The following TPST2 variants were observed in gnomAD, a reference collection of about 807,000 sequenced individuals.
The protein encoded by TPST2 is protein-tyrosine sulfotransferase 2.
In TPST2, 16 loss-of-function variants were observed where a neutral mutation model predicts 27.8. That is an observed-to-expected ratio of 0.58 (90% confidence interval 0.39 to 0.88). TPST2 has a LOEUF of 0.88. Ranked by LOEUF, TPST2 falls within the 40% of genes least tolerant of loss-of-function variation. The pLI is 0.00. For synonymous variants in TPST2, 229 were observed against 231.7 expected, an observed-to-expected ratio of 0.99 and a Z score of 0.10; for missense variants, 464 against 543.1, an observed-to-expected ratio of 0.85 and a Z score of 1.45.
At chr22:26,579,748 C>T (rs1229849398) in intron 1 of TPST2, among the ~76,000 whole-genome samples, 1 of 151,930 alleles carries the variant, frequency 6.6e-6, no homozygotes, top group East Asian at 1.9e-4. Flanking sequence ...GGAAGTGGTG[C>T]AGATTGGGGC....
intron 1 of TPST2, among the ~76,000 whole-genome samples, chr22:26,577,933 C>T (rs1267888155): frequency 1.3e-5 from 2 of 151,990 alleles, no homozygotes; most frequent in African/African-American, 4.8e-5. Flanking sequence ...GGATTACAGG[C>T]ATTAGCCACC....
intron 3 of TPST2, 73 bp downstream of exon 3, chr22:26,540,716 T>C (rs1925743949): frequency 1.0e-5 from 14 of 1,401,046 alleles, no homozygotes; most frequent in Admixed American, 4.9e-5. Context: ...AGAAAGGCAG[T>C]GCTGATTTTC....
At chr22:26,553,680 C>T (rs1926621452) in intron 1 of TPST2, among the ~76,000 whole-genome samples, 2 of 138,070 alleles carry the variant, frequency 1.4e-5, no homozygotes, top group Non-Finnish European at 3.2e-5. Flanking sequence ...TACAGTCGCC[C>T]CTCGGTATCA....
intron 5 of TPST2, among the ~76,000 whole-genome samples, chr22:26,532,348 T>G (rs1925213076): frequency 6.6e-6 from 1 of 152,246 alleles, no homozygotes; most frequent in South Asian, 2.1e-4. Context: ...CGGCGTGATC[T>G]CAGCTCACTG....
Position 26,524,022 on chromosome 22 carries a change from G to A in TPST2, c.*2253C>T, listed in dbSNP as rs1924695781. Reference sequence around the variant, plus strand: ...GTGTGTGGTGATGGGATACATAGCTGTCGCCAGATTCTCAAAGGGACAGTG... The same window carrying A: ...GTGTGTGGTGATGGGATACATAGCTATCGCCAGATTCTCAAAGGGACAGTG... On this transcript the variant is annotated 3_prime_UTR_variant, in exon 7 of 7. Coordinates refer to ENST00000338754, the MANE Select transcript of TPST2 (RefSeq NM_003595.5). 6.6e-6 allele frequency: 1 copy of A among 152,156 alleles called. No homozygotes were observed. The highest frequency in any genetic ancestry group is 2.4e-5 in the African/African-American group (1 of 41,436). The allele number at this position is 152,156 out of a possible 1,614,324, so 9.4% of individuals were successfully genotyped here. A position where few individuals can be genotyped will look rare whatever the true frequency, so the allele number is the denominator to read the frequency against.
intron 1 of TPST2, among the ~76,000 whole-genome samples, chr22:26,564,908 C>T (rs1345422337): frequency 3.9e-5 from 6 of 152,280 alleles, no homozygotes; most frequent in Non-Finnish European, 1.5e-5. Flanking sequence ...CAAACTGCTT[C>T]ACCTCTCTGA....
chr22:26,570,418 G>A (rs1274151691), intron 1 of TPST2, among the ~76,000 whole-genome samples: 1 of 152,142 alleles, frequency 6.6e-6, no homozygotes, highest in African/African-American at 2.4e-5. Context: ...TTGATCAGAT[G>A]CCAAGGAGGT....
At chr22:26,546,537 C>T (rs539333499) in intron 1 of TPST2, among the ~76,000 whole-genome samples, 81 of 152,382 alleles carry the variant, frequency 5.3e-4, no homozygotes, top group African/African-American at 1.9e-3. Context: ...ACGAGCCCAG[C>T]CATCCCCCTC....
chr22:26,533,616 A>C (rs551355340), intron 4 of TPST2, among the ~76,000 whole-genome samples: 1 of 152,334 alleles, frequency 6.6e-6, no homozygotes, highest in East Asian at 1.9e-4. Flanking sequence ...TTTTAAAATA[A>C]AATGAAACAA....
At chr22:26,578,147 C>T (rs182984187) in intron 1 of TPST2, among the ~76,000 whole-genome samples, 170 of 152,266 alleles carry the variant, frequency 1.1e-3, no homozygotes, top group Admixed American at 2.4e-3. Flanking sequence ...CGCGCATCTC[C>T]GCCTCCCAAT....
At chr22:26,545,677 T>C (rs1303808673) in intron 1 of TPST2, among the ~76,000 whole-genome samples, 1 of 152,228 alleles carries the variant, frequency 6.6e-6, no homozygotes, top group Non-Finnish European at 1.5e-5. Flanking sequence ...AATGCAGCTC[T>C]GGAGTTGGCC....
intron 1 of TPST2, among the ~76,000 whole-genome samples, chr22:26,551,460 A>G (rs974360719): frequency 6.6e-6 from 1 of 152,192 alleles, no homozygotes; most frequent in African/African-American, 2.4e-5. Flanking sequence ...GACGTAAAGG[A>G]ACCTGCCGAA....
chr22:26,547,548 A>G (rs1926191008), intron 1 of TPST2: 1 of 152,180 alleles, frequency 6.6e-6, no homozygotes, highest in Non-Finnish European at 1.5e-5. Context: ...TTAAGCTAAG[A>G]AAGGCCCACG....
intron 2 of TPST2, among the ~76,000 whole-genome samples, chr22:26,542,010 C>T (rs1464072281): frequency 1.3e-5 from 2 of 151,914 alleles, no homozygotes; most frequent in Admixed American, 6.6e-5. Flanking sequence ...ATGAGCCACC[C>T]GGTCCAGCGG....
At position 26,540,736 on chromosome 22, in the gene TPST2, G is replaced by C. The variant is rs1925744809; in HGVS notation, c.842+53C>G. The C allele has an allele frequency of 4.7e-6, 7 of 1,488,098 alleles. No homozygotes were observed. In the South Asian group the frequency reaches 9.4e-5, roughly 20 times the overall value. The allele number at this position is 1,488,098 out of a possible 1,614,324, so 92.2% of individuals were successfully genotyped here. On this transcript the variant is annotated intron_variant, in intron 3 of 6. Transcript: ENST00000338754. ...GGCAGTGCTGATTTTCTTGCCTGGC[G>C]CCTCTGACTCCAGGGCCAGAGTCTG... is the stretch of plus-strand genomic sequence containing the variant.
intron 3 of TPST2, among the ~76,000 whole-genome samples, chr22:26,539,973 C>T (rs1407871821): frequency 6.6e-6 from 1 of 152,152 alleles, no homozygotes; most frequent in Non-Finnish European, 1.5e-5. Context: ...TTGTTGGGGG[C>T]TTAACCCAAT....
In TPST2 at chr22:26,524,679, G is replaced by A. The variant is rs1479480625; in HGVS notation, c.*1596C>T. 5 of 152,190 alleles carry A rather than the reference G, an allele frequency of 3.3e-5. No homozygotes were observed. The highest frequency in any genetic ancestry group is 7.3e-5 in the Non-Finnish European group (5 of 68,038). 9.4% of individuals were successfully genotyped at this position (152,190 alleles called of 1,614,324 possible). On this transcript the variant is annotated 3_prime_UTR_variant, in exon 7 of 7. Transcript: ENST00000338754. Reference sequence around the variant, plus strand: ...AGCCTCATATTATCATGAGATATAAGGCAAGGAGGTATGGGTAAAACACCT... The same window carrying A: ...AGCCTCATATTATCATGAGATATAAAGCAAGGAGGTATGGGTAAAACACCT...
In TPST2 at chr22:26,541,500, GC is replaced by G. The variant is rs1925828061; in HGVS notation, c.130del (p.Ala44ProfsTer10). 1.2e-6 allele frequency: 2 copies of G among 1,611,692 alleles called. No homozygotes were observed. The highest frequency in any genetic ancestry group is 1.7e-6 in the Non-Finnish European group (2 of 1,178,936). On this transcript the variant is annotated frameshift_variant, in exon 3 of 7. Transcript: ENST00000338754. LOFTEE classifies it high-confidence loss of function. This position sits in a 1 kb window ranked among gnomAD's most constrained non-coding sequence, Gnocchi z 5.9. ...VLAGLRSPRG[A>X]MRPEQEELVM... The stretch of plus-strand genomic sequence containing the variant: ...CAGCTCCTCCTGCTCAGGCCGCATG[GC>G]CCCCCGGGGGCTCCGCAGGCCCGCC...
chr22:26,587,609 G>A (rs990214613), intron 1 of TPST2, among the ~76,000 whole-genome samples: 1 of 152,112 alleles, frequency 6.6e-6, no homozygotes, highest in African/African-American at 2.4e-5. Context: ...CAAAGTGCTG[G>A]GATTACAGGT....
Sources: gnomAD v4.1 joint callset for allele counts (sites outside exome capture counted in the v4.1 genomes callset) on GRCh38, gnomAD v4.1.1 for gene constraint, Gnocchi (gnomAD v3.1) non-coding constraint, MANE v1.5 for transcripts, NCBI Gene and HGNC (gene_info 2026-07-23, HGNC 2026-07-21) for gene names.